CTNNA3: variants seen among roughly 807,000 people sequenced by gnomAD.
CTNNA3 encodes the protein catenin alpha 3.
A neutral mutation model predicts 95.7 loss-of-function variants in CTNNA3; 76 were observed. That is an observed-to-expected ratio of 0.79 (90% CI 0.66 to 0.96). The LOEUF is 0.96. Among genes scored for constraint, CTNNA3 ranks in the 40% least tolerant of loss-of-function variants. The pLI, the probability that CTNNA3 is intolerant of heterozygous loss-of-function variation, is 0.00. For synonymous variants in CTNNA3, 431 were observed against 374.4 expected (o/e 1.15, Z -1.74); for missense variants, 1,191 against 1,089.8 (o/e 1.09, Z -1.31).
chr10:67,090,462 C>G (rs566549015), intron 7 of CTNNA3, among the ~76,000 whole-genome samples: 1 of 152,032 alleles, frequency 6.6e-6, no homozygotes, highest in Non-Finnish European at 1.5e-5. Context: ...TTGTGTTCAC[C>G]TCTCTAGGTT....
intron 17 of CTNNA3, among the ~76,000 whole-genome samples, chr10:65,962,817 T>C (rs959513683): frequency 4.6e-5 from 7 of 151,968 alleles, no homozygotes; most frequent in African/African-American, 1.5e-4. Context: ...TTCGGTTTTC[T>C]GTTCTTGTGT....
chr10:66,088,485 T>TTC (rs974682820), intron 14 of CTNNA3, among the ~76,000 whole-genome samples: 3 of 139,568 alleles, frequency 2.1e-5, no homozygotes, highest in Non-Finnish European at 4.6e-5. Flanking sequence ...GGTAGGTGTT[T>TTC]TGTGTGTGTG....
chr10:66,626,785 A>G (rs912275620), intron 9 of CTNNA3, among the ~76,000 whole-genome samples: 1 of 152,106 alleles, frequency 6.6e-6, no homozygotes, highest in Non-Finnish European at 1.5e-5. Flanking sequence ...GAAAAGTCCA[A>G]TTCCCTTCTG....
intron 7 of CTNNA3, among the ~76,000 whole-genome samples, chr10:67,079,905 ACAC>A (rs1856961396): frequency 6.8e-6 from 1 of 146,268 alleles, no homozygotes; most frequent in South Asian, 2.2e-4. Flanking sequence ...ACACACACAC[ACAC>A]AAAGATAGTC....
intron 7 of CTNNA3, among the ~76,000 whole-genome samples, chr10:67,089,787 G>GCC (rs1384123065): frequency 6.7e-6 from 1 of 148,958 alleles, no homozygotes; most frequent in Non-Finnish European, 1.5e-5. Context: ...TGTCTCCTAG[G>GCC]CCCCCCATCC....
At chr10:66,730,744 T>A (rs1848934731) in intron 9 of CTNNA3, among the ~76,000 whole-genome samples, 2 of 152,134 alleles carry the variant, frequency 1.3e-5, no homozygotes, top group Admixed American at 6.6e-5. Context: ...AGACCTTGAG[T>A]GACTATGTGG....
chr10:66,028,145 A>G (rs2133447990), intron 15 of CTNNA3, among the ~76,000 whole-genome samples: 1 of 152,258 alleles, frequency 6.6e-6, no homozygotes, highest in African/African-American at 2.4e-5. Context: ...AAAAAGGGAA[A>G]ATGGACTGTA....
chr10:66,525,215 A>T (rs575876221), intron 10 of CTNNA3, among the ~76,000 whole-genome samples: 3 of 151,624 alleles, frequency 2.0e-5, no homozygotes, highest in East Asian at 3.9e-4. Flanking sequence ...ATAAAAGAAA[A>T]AAAAAGAACT....
At chr10:66,362,498 A>G (rs960126696) in intron 12 of CTNNA3, among the ~76,000 whole-genome samples, 3 of 151,914 alleles carry the variant, frequency 2.0e-5, no homozygotes, top group East Asian at 4.0e-4. Context: ...ATCACTTGAG[A>G]TCAGGAGTTT....
In CTNNA3 at chr10:66,671,111, A is replaced by G. The variant is rs376508774; in HGVS notation, c.1282-49327T>C. On this transcript the variant is annotated intron_variant, in intron 9 of 17. Transcript: ENST00000433211. ...AGATGTCTTTTTGTAGGAAGCAATT[A>G]TCAGTATAAATTAAGAACCAAACTG... Among the ~76,000 whole-genome samples, 177 of 152,292 alleles carry G rather than the reference A, an allele frequency of 1.2e-3. 1 individual carries two copies. The highest frequency in any genetic ancestry group is 0.01 in the Middle Eastern group (3 of 294).
intron 7 of CTNNA3, among the ~76,000 whole-genome samples, chr10:66,960,510 ATGATCT>A: frequency 6.6e-6 from 1 of 152,292 alleles, no homozygotes; most frequent in Admixed American, 6.5e-5. Context: ...ACTAATTACA[ATGATCT>A]TTTCTCAGAT....
At chr10:66,015,965 T>C (rs889550193) in intron 15 of CTNNA3, among the ~76,000 whole-genome samples, 1 of 152,192 alleles carries the variant, frequency 6.6e-6, no homozygotes, top group Admixed American at 6.5e-5. Context: ...TAAACCTCTA[T>C]GTGCTTTCAC....
chr10:66,991,416 C>T (rs1433636260), intron 7 of CTNNA3, among the ~76,000 whole-genome samples: 1 of 152,100 alleles, frequency 6.6e-6, no homozygotes, highest in Non-Finnish European at 1.5e-5. Flanking sequence ...TATATCAACA[C>T]TAAATCACAG....
chr10:66,395,629 T>C (rs1299139564), intron 11 of CTNNA3, among the ~76,000 whole-genome samples: 1 of 151,966 alleles, frequency 6.6e-6, no homozygotes, highest in Non-Finnish European at 1.5e-5. Context: ...TTATTTACCT[T>C]TCCATGAAGT....
intron 1 of CTNNA3, among the ~76,000 whole-genome samples, chr10:67,726,432 C>CATATATAATATTATATA (rs1491155133): frequency 3.9e-5 from 2 of 51,408 alleles, no homozygotes; most frequent in African/African-American, 1.5e-4. Context: ...TATATTATAT[C>CATATATAATATTATATA]ATATATAATA....
intron 9 of CTNNA3, among the ~76,000 whole-genome samples, chr10:66,623,142 C>T (rs1844809728): frequency 6.6e-6 from 1 of 152,036 alleles, no homozygotes; most frequent in South Asian, 2.1e-4. Flanking sequence ...CTCCCCAAAC[C>T]CCAATCACTA....
intron 13 of CTNNA3, among the ~76,000 whole-genome samples, chr10:66,105,046 T>C (rs1054614197): frequency 6.6e-6 from 1 of 152,172 alleles, no homozygotes; most frequent in Non-Finnish European, 1.5e-5. Flanking sequence ...GCAATACCCA[T>C]CCCTTTGCAG....
chr10:67,322,183 C>T (rs1296082737), intron 5 of CTNNA3, among the ~76,000 whole-genome samples: 1 of 151,976 alleles, frequency 6.6e-6, no homozygotes, highest in African/African-American at 2.4e-5. Flanking sequence ...AAGTCTCATA[C>T]GTGTGTTCAA....
chr10:66,026,454 C>T (rs1018817764), intron 15 of CTNNA3, among the ~76,000 whole-genome samples: 1 of 152,156 alleles, frequency 6.6e-6, no homozygotes, highest in Non-Finnish European at 1.5e-5. Context: ...TTTAAAACTT[C>T]TATCAAAACA....
Sources: allele counts gnomAD v4.1 joint callset (sites outside exome capture counted in the v4.1 genomes callset), GRCh38; gene constraint gnomAD v4.1.1; transcripts MANE v1.5; gene names NCBI Gene and HGNC (gene_info 2026-07-23, HGNC 2026-07-21).